MLLT3: variants seen among roughly 807,000 people sequenced by gnomAD.
MLLT3 encodes protein AF-9.
MLLT3 carries 4 observed loss-of-function variants against 53.2 expected under a neutral mutation model. The ratio of observed to expected loss-of-function variants is 0.08; its 90% CI spans 0.04 to 0.17. MLLT3 has a LOEUF of 0.17. MLLT3 is among the 10% of genes least tolerant of loss of function. MLLT3 has a pLI of 1.00. For synonymous variants in MLLT3, 283 were observed against 230.6 expected (o/e 1.23, Z -2.06); for missense variants, 569 against 684.0 (o/e 0.83, Z 1.87).
intron 2 of MLLT3, among the ~76,000 whole-genome samples, chr9:20,528,587 T>C (rs1563802537): frequency 6.6e-6 from 1 of 152,236 alleles, no homozygotes; most frequent in Non-Finnish European, 1.5e-5. Flanking sequence ...TGCCTTTTCC[T>C]GGTGGCCACG....
intron 4 of MLLT3, among the ~76,000 whole-genome samples, chr9:20,428,926 A>G (rs916234404): frequency 3.3e-5 from 5 of 152,180 alleles, no homozygotes; most frequent in Non-Finnish European, 5.9e-5. Flanking sequence ...ACTCCCCCAA[A>G]AAAATAAAAA....
At chr9:20,497,531 T>G (rs1389431248) in intron 2 of MLLT3, among the ~76,000 whole-genome samples, 1 of 152,224 alleles carries the variant, frequency 6.6e-6, no homozygotes, top group African/African-American at 2.4e-5. Context: ...TTTGTATACA[T>G]GGAATCATAC....
At chr9:20,351,771 G>A (rs1821035359) in intron 10 of MLLT3, among the ~76,000 whole-genome samples, 1 of 152,226 alleles carries the variant, frequency 6.6e-6, no homozygotes, top group Non-Finnish European at 1.5e-5. Context: ...AATTCCATGA[G>A]ATGAGCAGCC....
intron 3 of MLLT3, among the ~76,000 whole-genome samples, chr9:20,449,040 A>G (rs1823776862): frequency 6.6e-6 from 1 of 152,020 alleles, no homozygotes; most frequent in Non-Finnish European, 1.5e-5. Flanking sequence ...CTACTGCTTT[A>G]CCTAGATAAC....
intron 4 of MLLT3, among the ~76,000 whole-genome samples, chr9:20,427,125 C>A (rs1308189117): frequency 3.3e-5 from 5 of 151,934 alleles, no homozygotes; most frequent in Non-Finnish European, 7.4e-5. Context: ...AAACAAGCCA[C>A]CATGATGTGA....
At chr9:20,373,488 A>ATCT (rs1821672550) in intron 5 of MLLT3, among the ~76,000 whole-genome samples, 1 of 152,244 alleles carries the variant, frequency 6.6e-6, no homozygotes, top group Non-Finnish European at 1.5e-5. Context: ...GCTGGCACTG[A>ATCT]TCCTGTACTA....
chr9:20,500,146 T>G (rs1825182015), intron 2 of MLLT3, among the ~76,000 whole-genome samples: 1 of 152,232 alleles, frequency 6.6e-6, no homozygotes, highest in African/African-American at 2.4e-5. Flanking sequence ...TTTGATTGTG[T>G]GGTTCTAGCT....
chr9:20,533,545 C>G (rs1818399140), intron 2 of MLLT3, among the ~76,000 whole-genome samples: 1 of 152,178 alleles, frequency 6.6e-6, no homozygotes, highest in Admixed American at 6.5e-5. Flanking sequence ...ATCCAGCAAT[C>G]TCACTACTGG....
At chr9:20,501,474 G>C (rs1029638286) in intron 2 of MLLT3, among the ~76,000 whole-genome samples, 1 of 152,100 alleles carries the variant, frequency 6.6e-6, no homozygotes, top group Non-Finnish European at 1.5e-5. Context: ...ACACCCGGCC[G>C]GGCACGGTGG....
At chr9:20,571,748 A>G (rs1257486085) in intron 2 of MLLT3, among the ~76,000 whole-genome samples, 3 of 152,218 alleles carry the variant, frequency 2.0e-5, no homozygotes, top group Non-Finnish European at 2.9e-5. Context: ...AAGACAAAAC[A>G]AATGGCCAAC....
chr9:20,621,661 G>A lies in MLLT3; in HGVS notation c.12+584C>T, dbSNP rs970061815. On this transcript the variant is annotated intron_variant, in intron 1 of 10. Transcript: ENST00000380338. The surrounding 1 kb of genome is among the most constrained non-coding windows in gnomAD (Gnocchi z 7.0). Reference sequence around the variant, plus strand: ...GCAGGGCGGCGGGCGGACAGCCGCCGAGCCTCGGCTCGCGCTCAGCACCTC... The same window carrying A: ...GCAGGGCGGCGGGCGGACAGCCGCCAAGCCTCGGCTCGCGCTCAGCACCTC... 2 of 1,089,420 alleles carry A rather than the reference G, an allele frequency of 1.8e-6. No individual in the cohort carries two copies. Among genetic ancestry groups the A allele is most frequent in the East Asian group, 3.1e-5 (1 of 31,792 alleles). The allele number at this position is 1,089,420 out of a possible 1,614,324, so 67.5% of individuals were successfully genotyped here.
rs1319292248 is a variant in MLLT3, at chr9:20,621,648, G to A, written c.12+597C>T. 1.1e-5 allele frequency: 10 copies of A among 918,106 alleles called. No homozygotes were observed. In the East Asian group the frequency reaches 2.6e-4, roughly 24 times the overall value. 56.9% of individuals were successfully genotyped at this position (918,106 alleles called of 1,614,324 possible). A position where few individuals can be genotyped will look rare whatever the true frequency, so the allele number is the denominator to read the frequency against. ...GAAATTCAGAAAGGCAGGGCGGCGG[G>A]CGGACAGCCGCCGAGCCTCGGCTCG... On this transcript the variant is annotated intron_variant, in intron 1 of 10. Transcript: ENST00000380338. This position sits in a 1 kb window ranked among gnomAD's most constrained non-coding sequence, Gnocchi z 7.0.
At chr9:20,597,118 C>T (rs666997) in intron 2 of MLLT3, among the ~76,000 whole-genome samples, 119,525 of 151,846 alleles carry the variant, frequency 0.79, 47,264 homozygotes, top group Middle Eastern at 0.89. Context: ...GAAATACTAT[C>T]TTTTTATACT....
chr9:20,360,603 A>G, intron 8 of MLLT3, 139 bp downstream of exon 8: 1 of 678,796 alleles, frequency 1.5e-6, no homozygotes, highest in South Asian at 1.8e-5. Flanking sequence ...TTTATTCCAC[A>G]GGCTGTGGCC....
At chr9:20,607,115 T>C (rs1211724943) in intron 2 of MLLT3, among the ~76,000 whole-genome samples, 1 of 152,084 alleles carries the variant, frequency 6.6e-6, no homozygotes, top group Non-Finnish European at 1.5e-5. Flanking sequence ...TTTATGAGTA[T>C]TTTTATTTAA....
chr9:20,550,205 T>C (rs1432112937), intron 2 of MLLT3, among the ~76,000 whole-genome samples: 1 of 152,182 alleles, frequency 6.6e-6, no homozygotes, highest in Non-Finnish European at 1.5e-5. Flanking sequence ...TACTCTTACT[T>C]GCCCCAAAAG....
intron 2 of MLLT3, among the ~76,000 whole-genome samples, chr9:20,599,389 C>G (rs998280271): frequency 6.6e-6 from 1 of 150,744 alleles, no homozygotes; most frequent in Non-Finnish European, 1.5e-5. Flanking sequence ...ACATAAAGTT[C>G]CTCAAATGCC....
rs1425244005 is a variant in MLLT3, at chr9:20,600,024, C to A, written c.193+20630G>T. Among the ~76,000 whole-genome samples, 13 of 151,872 alleles carry A rather than the reference C, an allele frequency of 8.6e-5. No individual in the cohort carries two copies. In the East Asian group the frequency reaches 1.7e-3, roughly 20 times the overall value. ...CACTTATACAGCCTTATAAAGAGAA[C>A]CCTCAAAGAGATGAAAATCCATCTT... On this transcript the variant is annotated intron_variant, in intron 2 of 10. Coordinates refer to ENST00000380338, the MANE Select transcript of MLLT3 (RefSeq NM_004529.4).
At chr9:20,516,080 A>T (rs1328657202) in intron 2 of MLLT3, among the ~76,000 whole-genome samples, 6 of 152,162 alleles carry the variant, frequency 3.9e-5, no homozygotes, top group Non-Finnish European at 5.9e-5. Flanking sequence ...TGTCAGCCAT[A>T]AACCCCAGAC....
Sources: allele counts gnomAD v4.1 joint callset (sites outside exome capture counted in the v4.1 genomes callset), GRCh38; gene constraint gnomAD v4.1.1; non-coding constraint Gnocchi (gnomAD v3.1); transcripts MANE v1.5; gene names NCBI Gene and HGNC (gene_info 2026-07-23, HGNC 2026-07-21).